The following DRC11 variants were observed in gnomAD, a reference collection of about 807,000 sequenced individuals.
DRC11 encodes IQ and AAA domain-containing protein 1.
chr2:236,398,757 T>A, the DRC11 span, among the ~76,000 whole-genome samples: 1 of 152,216 alleles, frequency 6.6e-6, no homozygotes, highest in Non-Finnish European at 1.5e-5. This position sits in a 1 kb window ranked among gnomAD's most constrained non-coding sequence, Gnocchi z 6.2. Context: ...AAAAATCGTG[T>A]GTCAGAATTG....
At chr2:236,422,068 G>C in the DRC11 span, among the ~76,000 whole-genome samples, 1 of 152,074 alleles carries the variant, frequency 6.6e-6, no homozygotes, top group Non-Finnish European at 1.5e-5. Context: ...AAAATAATAA[G>C]AGCTATCTAT....
At chr2:236,412,244 T>C in the DRC11 span, among the ~76,000 whole-genome samples, 1 of 152,042 alleles carries the variant, frequency 6.6e-6, no homozygotes, top group African/African-American at 2.4e-5. Context: ...AAGAAAACCT[T>C]CCTTTTATCC....
At chr2:236,502,191 CGTAA>C in the DRC11 span, among the ~76,000 whole-genome samples, 2,534 of 152,206 alleles carry the variant, frequency 0.017, 22 homozygotes, top group Non-Finnish European at 0.027. Context: ...CAAGGGGATA[CGTAA>C]GTAATTAATA....
At chr2:236,334,044 T>G in the DRC11 span, among the ~76,000 whole-genome samples, 1 of 152,120 alleles carries the variant, frequency 6.6e-6, no homozygotes, top group South Asian at 2.1e-4. The surrounding 1 kb of genome is among the most constrained non-coding windows in gnomAD (Gnocchi z 7.8). Flanking sequence ...TTGGTTACTC[T>G]CCATAGATCA....
chr2:236,428,123 A>C, the DRC11 span, among the ~76,000 whole-genome samples: 12 of 152,058 alleles, frequency 7.9e-5, no homozygotes, highest in African/African-American at 2.9e-4. Flanking sequence ...GATCTTCCTA[A>C]ATTTGTTAAG....
the DRC11 span, among the ~76,000 whole-genome samples, chr2:236,350,608 G>A: frequency 2.6e-5 from 4 of 152,366 alleles, no homozygotes; most frequent in Non-Finnish European, 4.4e-5. This position sits in a 1 kb window ranked among gnomAD's most constrained non-coding sequence, Gnocchi z 5.2. Context: ...TCATGTGCTG[G>A]CTCAGCAACT....
chr2:236,356,990 A>G, the DRC11 span, among the ~76,000 whole-genome samples: 89 of 111,648 alleles, frequency 8.0e-4, no homozygotes, highest in East Asian at 0.018. Flanking sequence ...TATATTATAT[A>G]TCTATATATT....
chr2:236,487,930 CCA>C, the DRC11 span: 1 of 1,094,610 alleles, frequency 9.1e-7, no homozygotes, highest in Non-Finnish European at 1.2e-6. Context: ...AAGCTCAGCC[CCA>C]AAATTGAGAT....
the DRC11 span, among the ~76,000 whole-genome samples, chr2:236,402,458 C>T: frequency 6.6e-6 from 1 of 152,198 alleles, no homozygotes; most frequent in Non-Finnish European, 1.5e-5. The surrounding 1 kb of genome is among the most constrained non-coding windows in gnomAD (Gnocchi z 6.0). Context: ...CTCAGGTCAC[C>T]AGGAAGCAAG....
At chr2:236,339,360 C>T in the DRC11 span, among the ~76,000 whole-genome samples, 12 of 152,270 alleles carry the variant, frequency 7.9e-5, no homozygotes, top group East Asian at 1.5e-3. Flanking sequence ...TTCTTCTGTT[C>T]TGTGGGTTGT....
chr2:236,460,447 C>A, the DRC11 span, among the ~76,000 whole-genome samples: 1 of 152,186 alleles, frequency 6.6e-6, no homozygotes, highest in African/African-American at 2.4e-5. The surrounding 1 kb of genome is among the most constrained non-coding windows in gnomAD (Gnocchi z 4.0). Context: ...CGGCCAGCCC[C>A]GTCTCCTTGC....
At chr2:236,374,594 G>C in the DRC11 span, among the ~76,000 whole-genome samples, 1 of 152,206 alleles carries the variant, frequency 6.6e-6, no homozygotes, top group Non-Finnish European at 1.5e-5. Flanking sequence ...CATGACACAA[G>C]GCAAAGGCGG....
chr2:236,494,033 G>A, the DRC11 span: 669 of 608,836 alleles, frequency 1.1e-3, 3 homozygotes, highest in African/African-American at 0.011. This position sits in a 1 kb window ranked among gnomAD's most constrained non-coding sequence, Gnocchi z 4.2. Context: ...TGAGGCCAGC[G>A]GAGTGAGGAG....
At chr2:236,308,424 C>T in the DRC11 span, among the ~76,000 whole-genome samples, 161 of 152,362 alleles carry the variant, frequency 1.1e-3, 1 homozygote, top group Non-Finnish European at 2.0e-3. This position sits in a 1 kb window ranked among gnomAD's most constrained non-coding sequence, Gnocchi z 6.0. Flanking sequence ...GTGCCACTTT[C>T]GGGAACATAC....
chr2:236,389,384 G>A, the DRC11 span, among the ~76,000 whole-genome samples: 1 of 152,110 alleles, frequency 6.6e-6, no homozygotes, highest in African/African-American at 2.4e-5. Context: ...TTTTAAGCCC[G>A]TCGGAAAAGC....
At chr2:236,504,810 C>A in the DRC11 span, among the ~76,000 whole-genome samples, 2 of 152,312 alleles carry the variant, frequency 1.3e-5, no homozygotes, top group East Asian at 3.9e-4. The surrounding 1 kb of genome is among the most constrained non-coding windows in gnomAD (Gnocchi z 5.0). Flanking sequence ...CTTTTCTCCC[C>A]ACTTTGCTCT....
chr2:236,318,490 T>G, the DRC11 span, among the ~76,000 whole-genome samples: 3 of 152,098 alleles, frequency 2.0e-5, no homozygotes, highest in Non-Finnish European at 2.9e-5. The surrounding 1 kb of genome is among the most constrained non-coding windows in gnomAD (Gnocchi z 7.0). Flanking sequence ...GATGTATGTA[T>G]GCATGTGTAT....
chr2:236,440,363 T>C, the DRC11 span, among the ~76,000 whole-genome samples: 1 of 152,202 alleles, frequency 6.6e-6, no homozygotes. Flanking sequence ...AAATTGCCCT[T>C]ATTGATTTTC....
the DRC11 span, among the ~76,000 whole-genome samples, chr2:236,348,078 T>C: frequency 3.9e-5 from 6 of 152,236 alleles, no homozygotes. This position sits in a 1 kb window ranked among gnomAD's most constrained non-coding sequence, Gnocchi z 7.4. Context: ...CTCTTCATCT[T>C]TGATTTTTAA....
Sources: allele counts gnomAD v4.1 joint callset (sites outside exome capture counted in the v4.1 genomes callset), GRCh38; gene constraint gnomAD v4.1.1; non-coding constraint Gnocchi (gnomAD v3.1); transcripts MANE v1.5; gene names NCBI Gene and HGNC (gene_info 2026-07-23, HGNC 2026-07-21).